The following CSMD1 variants were observed in gnomAD, a reference collection of about 807,000 sequenced individuals.
CSMD1 encodes the protein CUB and Sushi multiple domains 1, also known as CUB and sushi domain-containing protein 1.
Under a neutral mutation model 417.5 loss-of-function variants are expected in CSMD1, and 213 were observed. The ratio of observed to expected loss-of-function variants is 0.51; its 90% CI spans 0.46 to 0.57. CSMD1 has a LOEUF of 0.57. CSMD1 is among the 20% of genes least tolerant of loss of function. The pLI is 0.00. For missense variants in CSMD1, 6,923 were observed against 4,529.7 expected (o/e 1.53, Z -15.17); for synonymous variants, 2,862 against 1,736.8 (o/e 1.65, Z -16.11).
At chr8:3,473,273 C>T (rs1335081725) in intron 11 of CSMD1, among the ~76,000 whole-genome samples, 2 of 152,134 alleles carry the variant, frequency 1.3e-5, no homozygotes, top group African/African-American at 4.8e-5. Flanking sequence ...CAAAGTTCTT[C>T]AATCAAATGT....
At chr8:3,242,555 A>G (rs1799607383) in intron 26 of CSMD1, among the ~76,000 whole-genome samples, 2 of 152,194 alleles carry the variant, frequency 1.3e-5, no homozygotes, top group Admixed American at 1.3e-4. Context: ...GACTATTTGG[A>G]ACCACTGTCG....
At chr8:2,968,413 C>T (rs897906943) in intron 57 of CSMD1, among the ~76,000 whole-genome samples, 1 of 152,190 alleles carries the variant, frequency 6.6e-6, no homozygotes, top group Non-Finnish European at 1.5e-5. Flanking sequence ...AGAACCAATA[C>T]TTAAACAAGT....
At chr8:4,574,998 C>G (rs1799072710) in intron 2 of CSMD1, among the ~76,000 whole-genome samples, 2 of 152,142 alleles carry the variant, frequency 1.3e-5, no homozygotes, top group African/African-American at 4.8e-5. Flanking sequence ...TAATATTGTG[C>G]TTCCTCAGTA....
At chr8:3,765,796 G>C (rs765914495) in intron 5 of CSMD1, among the ~76,000 whole-genome samples, 1 of 152,160 alleles carries the variant, frequency 6.6e-6, no homozygotes, top group Non-Finnish European at 1.5e-5. Flanking sequence ...AGAGTCCTAC[G>C]GGTGGAGACA....
At chr8:3,665,672 G>A (rs1798651891) in intron 7 of CSMD1, among the ~76,000 whole-genome samples, 2 of 152,100 alleles carry the variant, frequency 1.3e-5, no homozygotes, top group African/African-American at 4.8e-5. Flanking sequence ...GGGACAAACA[G>A]AAAGATAAAA....
chr8:3,145,217 C>T (rs976212466), intron 40 of CSMD1, among the ~76,000 whole-genome samples: 1 of 152,120 alleles, frequency 6.6e-6, no homozygotes, highest in African/African-American at 2.4e-5. Context: ...AAACAACCTG[C>T]TGAATTGCTG....
At chr8:2,979,816 T>C (rs1805254754) in intron 54 of CSMD1, among the ~76,000 whole-genome samples, 1 of 152,242 alleles carries the variant, frequency 6.6e-6, no homozygotes, top group South Asian at 2.1e-4. Context: ...TTGAGTTCTT[T>C]TGAATCAAAA....
intron 3 of CSMD1, among the ~76,000 whole-genome samples, chr8:4,157,664 G>A (rs1584927594): frequency 6.6e-6 from 1 of 152,160 alleles, no homozygotes; most frequent in African/African-American, 2.4e-5. Flanking sequence ...CTGGGCATGG[G>A]GTGAGGGCAT....
intron 26 of CSMD1, among the ~76,000 whole-genome samples, chr8:3,281,430 C>G (rs1297684359): frequency 6.6e-6 from 1 of 152,000 alleles, no homozygotes; most frequent in Non-Finnish European, 1.5e-5. Flanking sequence ...GGCGACAAAG[C>G]AAGACTCCAT....
chr8:4,588,161 G>A (rs146532076), intron 2 of CSMD1, among the ~76,000 whole-genome samples: 1 of 152,044 alleles, frequency 6.6e-6, no homozygotes, highest in Non-Finnish European at 1.5e-5. Flanking sequence ...TAAATGGCTA[G>A]TAAAATGATA....
At chr8:3,294,179 C>A (rs1458365747) in intron 25 of CSMD1, among the ~76,000 whole-genome samples, 8 of 152,146 alleles carry the variant, frequency 5.3e-5, no homozygotes. Flanking sequence ...CTGATCATTC[C>A]TCTGGAAGTT....
intron 4 of CSMD1, among the ~76,000 whole-genome samples, chr8:4,025,522 C>G (rs1797015260): frequency 6.6e-6 from 1 of 152,186 alleles, no homozygotes; most frequent in Non-Finnish European, 1.5e-5. Flanking sequence ...TTGAAACTAT[C>G]TAGCTGCTTC....
intron 5 of CSMD1, among the ~76,000 whole-genome samples, chr8:3,823,039 G>C (rs1801828334): frequency 6.6e-6 from 1 of 152,240 alleles, no homozygotes; most frequent in East Asian, 1.9e-4. Context: ...GGCATCAGTA[G>C]TTTATGATTT....
At chr8:3,017,549 A>G (rs1247591617) in intron 52 of CSMD1, among the ~76,000 whole-genome samples, 1 of 151,930 alleles carries the variant, frequency 6.6e-6, no homozygotes, top group Admixed American at 6.6e-5. Flanking sequence ...ACCAAGCAGC[A>G]TTCCTGTAAG....
intron 5 of CSMD1, among the ~76,000 whole-genome samples, chr8:3,891,566 T>G (rs1188745588): frequency 5.9e-5 from 9 of 151,894 alleles, no homozygotes; most frequent in Admixed American, 5.2e-4. Flanking sequence ...ACCTGTAGTC[T>G]CAACTAGTTG....
chr8:3,654,438 G>A (rs1442577775), intron 7 of CSMD1, among the ~76,000 whole-genome samples: 2 of 152,108 alleles, frequency 1.3e-5, no homozygotes, highest in African/African-American at 4.8e-5. Context: ...TGTGCACATA[G>A]GGAAAAGATA....
chr8:4,792,434 A>G (rs1290249213), intron 1 of CSMD1, among the ~76,000 whole-genome samples: 2 of 151,818 alleles, frequency 1.3e-5, no homozygotes, highest in East Asian at 3.9e-4. Context: ...TGGTACAGCC[A>G]ATCAGTCTAT....
intron 3 of CSMD1, among the ~76,000 whole-genome samples, chr8:4,127,720 G>A (rs1184116066): frequency 1.3e-5 from 2 of 152,066 alleles, no homozygotes; most frequent in African/African-American, 2.4e-5. Flanking sequence ...TTTAAGAAAG[G>A]TATATTCAGC....
At chr8:3,322,283 T>G (rs1806201043) in intron 23 of CSMD1, among the ~76,000 whole-genome samples, 1 of 152,234 alleles carries the variant, frequency 6.6e-6, no homozygotes, top group Non-Finnish European at 1.5e-5. Context: ...TTTTATATTT[T>G]CACTTAGAGC....
Sources: gnomAD v4.1 joint callset for allele counts (sites outside exome capture counted in the v4.1 genomes callset) on GRCh38, gnomAD v4.1.1 for gene constraint, MANE v1.5 for transcripts, NCBI Gene and HGNC (gene_info 2026-07-23, HGNC 2026-07-21) for gene names.